RASGRF1: variants seen among roughly 807,000 people sequenced by gnomAD.
The protein encoded by RASGRF1 is Ras protein specific guanine nucleotide releasing factor 1.
In RASGRF1, 40 loss-of-function variants were observed where a neutral mutation model predicts 138.7. The observed-to-expected ratio is 0.29, with a 90% CI of 0.22 to 0.38. RASGRF1 has a LOEUF of 0.38. RASGRF1 is among the 10% of genes least tolerant of loss of function. The pLI, the probability that RASGRF1 is intolerant of heterozygous loss-of-function variation, is 1.00. For missense variants in RASGRF1, 1,108 were observed against 1,650.4 expected (o/e 0.67, Z 5.69); for synonymous variants, 614 against 663.2 (o/e 0.93, Z 1.14).
intron 2 of RASGRF1, among the ~76,000 whole-genome samples, chr15:79,062,273 G>T (rs1312654519): frequency 1.3e-5 from 2 of 152,132 alleles, no homozygotes; most frequent in African/African-American, 4.8e-5. Flanking sequence ...CTGGCTCTTG[G>T]TTCTACTTTA....
chr15:79,056,453 G>A (rs1226512134), intron 3 of RASGRF1, among the ~76,000 whole-genome samples: 1 of 152,134 alleles, frequency 6.6e-6, no homozygotes, highest in African/African-American at 2.4e-5. Flanking sequence ...ACTGAGCTCT[G>A]GTAGCCCTGT....
chr15:79,086,290 A>AAT (rs2057978319), intron 1 of RASGRF1, among the ~76,000 whole-genome samples: 1 of 152,144 alleles, frequency 6.6e-6, no homozygotes, highest in Non-Finnish European at 1.5e-5. Context: ...TGAGAGGTTG[A>AAT]ATGTGTTATA....
rs1209698134 is a variant in RASGRF1, at chr15:78,991,809, G to C, written c.3028-15C>G. 6.2e-7 allele frequency: 1 copy of C among 1,603,548 alleles called. No homozygotes were observed. Among genetic ancestry groups the C allele is most frequent in the Non-Finnish European group, 8.5e-7 (1 of 1,170,894 alleles). On this transcript the variant is annotated splice_polypyrimidine_tract_variant and intron_variant, in intron 20 of 26. Coordinates refer to ENST00000558480, the MANE Select transcript of RASGRF1 (RefSeq NM_001145648.3). ...ACGCCTTCAGCCTGGTTTTGAGTTG[G>C]GGGAGCAACATTTTGAGTTAGGCCC...
chr15:78,962,279 C>A (rs1386553984), intron 26 of RASGRF1, 43 bp from the exon 27 acceptor site: 9 of 1,327,868 alleles, frequency 6.8e-6, no homozygotes, highest in Non-Finnish European at 9.5e-6. Context: ...GGTTGTGGGA[C>A]CTCCATAGTA....
Position 78,960,131 on chromosome 15 carries a change from T to G in RASGRF1, c.*2013A>C, listed in dbSNP as rs1024609659. ...GGATCTAGAATCTTCTCCCTCTAGA[T>G]CCCTTCTTTCTCCGCTTGCTATCCC... On this transcript the variant is annotated 3_prime_UTR_variant, in exon 27 of 27. Transcript: ENST00000558480. The G allele has an allele frequency of 5.3e-5, 8 of 152,118 alleles. No individual in the cohort carries two copies. Among genetic ancestry groups the G allele is most frequent in the African/African-American group, 1.7e-4 (7 of 41,428 alleles). 9.4% of individuals were successfully genotyped at this position (152,118 alleles called of 1,614,324 possible). A position where few individuals can be genotyped will look rare whatever the true frequency, so the allele number is the denominator to read the frequency against.
rs754845042 is a variant in RASGRF1 at position 79,004,105 on chromosome 15, G to C, written c.2146C>G (p.Arg716Gly). The change falls in exon 15 of 27, where the codon CGC (arginine) becomes GGC (glycine). Residue 716 changes from arginine to glycine, a missense_variant. Around this residue, in one of 3 missense-constraint regions of RASGRF1, gnomAD observed 686 missense variants for 976.7 expected, o/e 0.70. Transcript: ENST00000558480. ...GGCGAGGAGAACTTGCGGGTGGCGC[G>C]CGGGGACTTGGGGGGTTCACCGTAC... ...LLYGEPPKSP[R>G]ATRKFSSPPP... 1.2e-6 allele frequency: 2 copies of C among 1,613,746 alleles called. No homozygotes were observed. Among genetic ancestry groups the C allele is most frequent in the East Asian group, 4.5e-5 (2 of 44,870 alleles).
rs372138392 is a variant in RASGRF1, at chr15:79,017,812, C to A, written c.1701G>T (p.Ser567=). ...SPPFTVILVA[S]SRQEKAAWTS... ...TCCACGCTGCCTTCTCCTGTCTGGA[C>A]GAGGCCACTAGGATGACTGTAAAGG... The change falls in exon 12 of 27, where the codon TCG becomes TCT. Residue 567 remains serine (S), a synonymous_variant. Coordinates refer to ENST00000558480, the MANE Select transcript of RASGRF1 (RefSeq NM_001145648.3). 2.5e-6 allele frequency: 4 copies of A among 1,612,342 alleles called. No individual in the cohort carries two copies. In the South Asian group the frequency reaches 4.4e-5, roughly 18 times the overall value.
intron 2 of RASGRF1, among the ~76,000 whole-genome samples, chr15:79,063,523 C>A (rs553463457): frequency 6.6e-6 from 1 of 152,294 alleles, no homozygotes; most frequent in African/African-American, 2.4e-5. Context: ...ACTCAACAAC[C>A]AGCTTTGCAT....
chr15:78,984,600 CT>C (rs1057110718), intron 23 of RASGRF1: 10 of 255,390 alleles, frequency 3.9e-5, no homozygotes, highest in Non-Finnish European at 7.0e-5. Flanking sequence ...GCAGGATCAT[CT>C]GACGGAAGTG....
At chr15:79,047,246 A>G (rs2057367370) in intron 4 of RASGRF1, among the ~76,000 whole-genome samples, 1 of 145,236 alleles carries the variant, frequency 6.9e-6, no homozygotes, top group Admixed American at 7.7e-5. Flanking sequence ...TGATGGCTAG[A>G]CTGAAAGTGT....
At chr15:79,059,243 C>T (rs2057555601) in intron 2 of RASGRF1, among the ~76,000 whole-genome samples, 1 of 118,638 alleles carries the variant, frequency 8.4e-6, no homozygotes, top group Non-Finnish European at 1.8e-5. Context: ...CCTTCCCTTC[C>T]CTTCCCTATC....
At chr15:79,051,964 G>A (rs1567582018) in intron 3 of RASGRF1, among the ~76,000 whole-genome samples, 1 of 152,208 alleles carries the variant, frequency 6.6e-6, no homozygotes, top group South Asian at 2.1e-4. Context: ...ACACTGGCAG[G>A]TGCCTCCTGG....
intron 5 of RASGRF1, among the ~76,000 whole-genome samples, chr15:79,035,579 C>A (rs1377271415): frequency 1.3e-5 from 2 of 152,242 alleles, no homozygotes; most frequent in Non-Finnish European, 2.9e-5. Flanking sequence ...CACCCCCTCC[C>A]CCAAGGTATC....
chr15:78,962,229 T>C lies in RASGRF1; in HGVS notation c.3689A>G (p.Gln1230Arg). ...TACAAAAGATTGGTCCAGTAAATAT[T>C]GCGTTACCTGAGAAAAGAAAAGAGA... is the stretch of plus-strand genomic sequence containing the variant. ...YKIEHQAKVT[Q>R]YLLDQSFVMD... The change falls in exon 27 of 27, where the codon CAA becomes CGA. Residue 1230 changes from glutamine to arginine, a missense_variant. Around this residue, in one of 3 missense-constraint regions of RASGRF1, gnomAD observed 686 missense variants for 976.7 expected, o/e 0.70. Transcript: ENST00000558480. The C allele has an allele frequency of 6.4e-7, 1 of 1,559,394 alleles. No homozygotes were observed.
intron 2 of RASGRF1, among the ~76,000 whole-genome samples, chr15:79,059,630 C>T (rs1369275678): frequency 2.6e-5 from 4 of 152,142 alleles, no homozygotes; most frequent in African/African-American, 9.7e-5. Flanking sequence ...CCTGACCATG[C>T]ATTTGTGCCC....
At chr15:78,997,389 C>T (rs2056417476) in intron 19 of RASGRF1, among the ~76,000 whole-genome samples, 1 of 152,186 alleles carries the variant, frequency 6.6e-6, no homozygotes, top group Admixed American at 6.5e-5. Context: ...CTGCTGGGCT[C>T]ATGTCACTGA....
intron 1 of RASGRF1, among the ~76,000 whole-genome samples, chr15:79,087,597 G>A (rs547119390): frequency 1.6e-4 from 25 of 152,350 alleles, no homozygotes; most frequent in African/African-American, 4.8e-4. Context: ...AAAGCTTCTC[G>A]TAGGCTCAAG....
At chr15:79,082,893 G>C (rs2057931993) in intron 1 of RASGRF1, among the ~76,000 whole-genome samples, 1 of 152,174 alleles carries the variant, frequency 6.6e-6, no homozygotes, top group Non-Finnish European at 1.5e-5. Flanking sequence ...CCAGGGACCT[G>C]GGTCACTGCT....
chr15:79,086,321 T>C (rs2057979117), intron 1 of RASGRF1, among the ~76,000 whole-genome samples: 1 of 152,206 alleles, frequency 6.6e-6, no homozygotes, highest in South Asian at 2.1e-4. Context: ...GGGTGTGCTT[T>C]GTGGTGACAA....
Sources: allele counts gnomAD v4.1 joint callset (sites outside exome capture counted in the v4.1 genomes callset), GRCh38; gene constraint gnomAD v4.1.1; regional missense constraint gnomAD v4.1.1; transcripts MANE v1.5; gene names NCBI Gene and HGNC (gene_info 2026-07-23, HGNC 2026-07-21).